MLIP: variants seen among roughly 807,000 people sequenced by gnomAD.
The protein encoded by MLIP is muscular LMNA-interacting protein.
Under a neutral mutation model 84.8 loss-of-function variants are expected in MLIP, and 79 were observed. The ratio of observed to expected loss-of-function variants is 0.93; its 90% CI spans 0.78 to 1.12. MLIP has a LOEUF of 1.12. Among genes scored for constraint, MLIP ranks in the 50% most tolerant of loss-of-function variants. The pLI is 0.00. For missense variants in MLIP, 1,257 were observed against 1,160.6 expected (o/e 1.08, Z -1.21); for synonymous variants, 504 against 463.0 (o/e 1.09, Z -1.14).
chr6:54,024,263 T>A (rs1763673512), intron 1 of MLIP, among the ~76,000 whole-genome samples: 1 of 152,110 alleles, frequency 6.6e-6, no homozygotes, highest in East Asian at 1.9e-4. Flanking sequence ...TCGCCCACCT[T>A]AGCCTCCCAA....
chr6:54,194,086 T>A (rs988650448), intron 10 of MLIP, among the ~76,000 whole-genome samples: 6 of 152,334 alleles, frequency 3.9e-5, no homozygotes, highest in African/African-American at 1.4e-4. Context: ...GTCACATGGC[T>A]ATATACAGGT....
At chr6:54,231,553 A>G (rs979215195) in intron 12 of MLIP, among the ~76,000 whole-genome samples, 1 of 152,178 alleles carries the variant, frequency 6.6e-6, no homozygotes, top group Non-Finnish European at 1.5e-5. Context: ...GAATTGAATC[A>G]TAAATGTTTT....
chr6:54,135,116 C>T (rs1325478335), intron 3 of MLIP, among the ~76,000 whole-genome samples: 1 of 152,084 alleles, frequency 6.6e-6, no homozygotes, highest in Non-Finnish European at 1.5e-5. Flanking sequence ...CAGAAACATT[C>T]AGCTGCCCAG....
intron 11 of MLIP, among the ~76,000 whole-genome samples, chr6:54,220,343 G>A (rs150815073): frequency 6.6e-4 from 101 of 152,206 alleles, no homozygotes; most frequent in African/African-American, 2.1e-3. Flanking sequence ...AAGACACAAG[G>A]TACTCAATAT....
intron 1 of MLIP, among the ~76,000 whole-genome samples, chr6:54,029,647 A>G (rs1156660835): frequency 6.6e-6 from 1 of 152,130 alleles, no homozygotes; most frequent in Non-Finnish European, 1.5e-5. Context: ...TTTTCTGTTC[A>G]GGGTATCATA....
At chr6:54,248,987 A>G (rs967206648) in intron 12 of MLIP, among the ~76,000 whole-genome samples, 1 of 152,126 alleles carries the variant, frequency 6.6e-6, no homozygotes, top group African/African-American at 2.4e-5. Context: ...AGTTCATACA[A>G]GGAATAAATA....
chr6:54,102,982 T>C (rs1260217501), intron 1 of MLIP, among the ~76,000 whole-genome samples: 1 of 152,070 alleles, frequency 6.6e-6, no homozygotes, highest in Non-Finnish European at 1.5e-5. Flanking sequence ...ATAAAGTGTG[T>C]TGTGTGTCAG....
chr6:54,152,510 T>C (rs956266894), intron 5 of MLIP, among the ~76,000 whole-genome samples: 1 of 152,098 alleles, frequency 6.6e-6, no homozygotes, highest in Non-Finnish European at 1.5e-5. Flanking sequence ...AAACCCCTGA[T>C]AAACCCATCA....
chr6:54,230,995 G>A (rs1780962972), intron 12 of MLIP, 78 bp downstream of exon 12: 3 of 1,176,842 alleles, frequency 2.5e-6, no homozygotes, highest in Non-Finnish European at 3.7e-6. Context: ...ACTTAAATGT[G>A]GAGGAAACAT....
Position 54,200,455 on chromosome 6 carries a change from G to A in MLIP, c.2590-1650G>A, listed in dbSNP as rs1360040389. ...AGTAGAAGAGAAGGAGAAAGTGCAG[G>A]AAGTGCAGGAATAGGAGAAGAAGAA... is the stretch of plus-strand genomic sequence containing the variant. On this transcript the variant is annotated intron_variant, in intron 10 of 13. Coordinates refer to ENST00000502396, the MANE Select transcript of MLIP (RefSeq NM_001281747.2). 7.3e-5 allele frequency among the ~76,000 whole-genome samples: 11 copies of A among 150,470 alleles called. No homozygotes were observed. The East Asian group carries it at 9.7e-4, about 13-fold the overall frequency.
At chr6:54,167,265 A>G (rs936503064) in intron 8 of MLIP, among the ~76,000 whole-genome samples, 18 of 151,902 alleles carry the variant, frequency 1.2e-4, no homozygotes, top group Non-Finnish European at 2.4e-4. Context: ...AGTCCTCACA[A>G]GGTCCTGTAT....
chr6:54,128,783 G>A (rs149143045), intron 3 of MLIP, among the ~76,000 whole-genome samples: 43 of 152,254 alleles, frequency 2.8e-4, no homozygotes, highest in African/African-American at 9.4e-4. Flanking sequence ...TTTCTCATTT[G>A]TAAAATGAGT....
At chr6:54,071,799 G>C (rs1766500824) in intron 1 of MLIP, among the ~76,000 whole-genome samples, 1 of 151,954 alleles carries the variant, frequency 6.6e-6, no homozygotes, top group South Asian at 2.1e-4. Context: ...AAATCTATCA[G>C]GAAAAAAGAG....
intron 1 of MLIP, chr6:54,083,696 C>T (rs1400323111): frequency 8.2e-6 from 12 of 1,454,598 alleles, no homozygotes; most frequent in Non-Finnish European, 1.1e-5. Context: ...TAGCTGTGTA[C>T]TGTCTTTGTA....
chr6:54,052,887 A>C (rs1277543158), intron 1 of MLIP, among the ~76,000 whole-genome samples: 4 of 152,178 alleles, frequency 2.6e-5, no homozygotes, highest in African/African-American at 9.7e-5. Flanking sequence ...AATAGTGGTG[A>C]ATGAGGTCTC....
chr6:54,102,250 C>T (rs376828777), intron 1 of MLIP, among the ~76,000 whole-genome samples: 70 of 152,124 alleles, frequency 4.6e-4, no homozygotes, highest in African/African-American at 1.7e-3. Flanking sequence ...CTCTTGCTGG[C>T]TTGTGAGAAA....
At chr6:54,225,488 T>A (rs553246058) in intron 11 of MLIP, among the ~76,000 whole-genome samples, 1 of 152,326 alleles carries the variant, frequency 6.6e-6, no homozygotes, top group South Asian at 2.1e-4. Flanking sequence ...ACAACTCTAA[T>A]AACAGAGAGT....
chr6:54,092,177 T>G (rs1018370078), intron 1 of MLIP, among the ~76,000 whole-genome samples: 2 of 152,200 alleles, frequency 1.3e-5, no homozygotes, highest in African/African-American at 4.8e-5. Flanking sequence ...TCACACGCAC[T>G]GGCACTACAG....
chr6:54,122,963 G>A (rs1299674), intron 2 of MLIP, among the ~76,000 whole-genome samples: 1 of 148,204 alleles, frequency 6.7e-6, no homozygotes, highest in African/African-American at 2.5e-5. Flanking sequence ...ACGGAGTCTC[G>A]CTCTGTCGCC....
Sources: allele counts gnomAD v4.1 joint callset (sites outside exome capture counted in the v4.1 genomes callset), GRCh38; gene constraint gnomAD v4.1.1; transcripts MANE v1.5; gene names NCBI Gene and HGNC (gene_info 2026-07-23, HGNC 2026-07-21).